EYS: variants seen among roughly 807,000 people sequenced by gnomAD.
The protein encoded by EYS is protein eyes shut homolog.
EYS carries 250 observed loss-of-function variants against 282.1 expected under a neutral mutation model. That is an observed-to-expected ratio of 0.89 (90% CI 0.80 to 0.98). The LOEUF is 0.98. EYS is among the 50% of genes least tolerant of loss of function. The probability of loss-of-function intolerance (pLI) is 0.00; values close to 1 mark genes in which losing one functional copy is unlikely to be tolerated. For missense variants in EYS, 4,016 were observed against 3,709.0 expected (o/e 1.08, Z -2.15); for synonymous variants, 1,355 against 1,282.9 (o/e 1.06, Z -1.20).
intron 1 of EYS, among the ~76,000 whole-genome samples, chr6:65,655,678 CAA>C (rs907116921): frequency 8.9e-4 from 135 of 151,612 alleles, no homozygotes; most frequent in African/African-American, 3.1e-3. Context: ...TGTTTTTTAA[CAA>C]ATTGAAGGGT....
chr6:65,441,158 A>C (rs913844986), intron 5 of EYS, among the ~76,000 whole-genome samples: 8 of 151,454 alleles, frequency 5.3e-5, no homozygotes, highest in African/African-American at 1.7e-4. Context: ...TTTTGCTACA[A>C]ACCATTTTTA....
chr6:64,303,265 A>G (rs1258102842), intron 30 of EYS, among the ~76,000 whole-genome samples: 4 of 152,238 alleles, frequency 2.6e-5, no homozygotes, highest in African/African-American at 9.6e-5. Context: ...ACATGGAACT[A>G]AAGTGCCAAG....
intron 41 of EYS, among the ~76,000 whole-genome samples, chr6:63,761,675 G>A (rs1302028442): frequency 2.0e-5 from 3 of 152,012 alleles, no homozygotes; most frequent in Non-Finnish European, 4.4e-5. Flanking sequence ...TTCTAAAATA[G>A]GGAAGAGAGA....
intron 39 of EYS, among the ~76,000 whole-genome samples, chr6:63,784,773 C>G (rs2149668407): frequency 6.6e-6 from 1 of 152,248 alleles, no homozygotes; most frequent in South Asian, 2.1e-4. Flanking sequence ...GAACACAAAT[C>G]CAAACCATAT....
chr6:64,209,377 T>G (rs1336571570), intron 31 of EYS, among the ~76,000 whole-genome samples: 1 of 152,162 alleles, frequency 6.6e-6, no homozygotes, highest in Non-Finnish European at 1.5e-5. Context: ...TATTAATTCC[T>G]CCTCTCATGG....
intron 26 of EYS, among the ~76,000 whole-genome samples, chr6:64,452,256 C>G (rs989163655): frequency 8.6e-5 from 13 of 151,994 alleles, no homozygotes; most frequent in Non-Finnish European, 1.6e-4. Context: ...CTCCCATTCA[C>G]AATTGCTTCA....
intron 12 of EYS, among the ~76,000 whole-genome samples, chr6:65,148,717 AG>A (rs1307848317): frequency 5.9e-5 from 9 of 152,138 alleles, no homozygotes; most frequent in African/African-American, 2.2e-4. Context: ...GTTCTAGCAG[AG>A]GTTCTCCATG....
At chr6:65,259,250 G>A (rs1176521277) in intron 12 of EYS, among the ~76,000 whole-genome samples, 1 of 151,966 alleles carries the variant, frequency 6.6e-6, no homozygotes, top group Non-Finnish European at 1.5e-5. Context: ...CTCCACCCAT[G>A]TCCTCTTCTT....
chr6:65,140,614 GA>G (rs1392925581), intron 12 of EYS, among the ~76,000 whole-genome samples: 2 of 150,932 alleles, frequency 1.3e-5, no homozygotes, highest in East Asian at 3.9e-4. Flanking sequence ...CTAATATCCA[GA>G]ATCTACAATG....
intron 1 of EYS, among the ~76,000 whole-genome samples, chr6:65,649,372 AACAC>A (rs150768155): frequency 6.6e-6 from 1 of 150,986 alleles, no homozygotes; most frequent in Non-Finnish European, 1.5e-5. Flanking sequence ...CCAATCTTAA[AACAC>A]ACACACACAC....
intron 26 of EYS, among the ~76,000 whole-genome samples, chr6:64,500,238 C>T (rs1776995987): frequency 6.6e-6 from 1 of 151,756 alleles, no homozygotes; most frequent in Admixed American, 6.6e-5. Context: ...CTCAAAATAC[C>T]ACAAGGTAAA....
At chr6:64,392,648 A>T (rs1010777455) in intron 28 of EYS, among the ~76,000 whole-genome samples, 7 of 151,138 alleles carry the variant, frequency 4.6e-5, no homozygotes, top group Non-Finnish European at 8.8e-5. Context: ...GGAAATTTAT[A>T]GCACTAAATG....
intron 36 of EYS, among the ~76,000 whole-genome samples, chr6:63,831,489 G>A (rs1204905796): frequency 6.6e-6 from 1 of 152,170 alleles, no homozygotes; most frequent in Non-Finnish European, 1.5e-5. Flanking sequence ...CATAAGTAAA[G>A]GGATCAATTC....
In EYS at chr6:64,593,103, C is replaced by T. The variant is rs1766462053; in HGVS notation, c.3877+14G>A. On this transcript the variant is annotated intron_variant, in intron 25 of 42. Coordinates refer to ENST00000503581, the MANE Select transcript of EYS (RefSeq NM_001142800.2). ...AAACTCAAACTTCTTAATATCTTAC[C>T]CACTTCTACTTACCTTGATCAACTG... is the stretch of plus-strand genomic sequence containing the variant. The T allele has an allele frequency of 6.8e-7, 1 of 1,474,774 alleles. No individual in the cohort carries two copies. Among genetic ancestry groups the T allele is most frequent in the Middle Eastern group, 1.7e-4 (1 of 5,812 alleles). 91.4% of individuals were successfully genotyped at this position (1,474,774 alleles called of 1,614,324 possible). A position where few individuals can be genotyped will look rare whatever the true frequency, so the allele number is the denominator to read the frequency against.
chr6:65,656,111 C>T (rs2149822297), intron 1 of EYS, among the ~76,000 whole-genome samples: 2 of 151,908 alleles, frequency 1.3e-5, no homozygotes, highest in South Asian at 2.1e-4. Context: ...GATCACAAAC[C>T]TAATCAACAA....
chr6:64,921,639 A>G (rs6926315), intron 15 of EYS, among the ~76,000 whole-genome samples: 3,426 of 152,276 alleles, frequency 0.022, 128 homozygotes, highest in African/African-American at 0.079. Context: ...CTTCAAACTC[A>G]TGGAAAGAAA....
chr6:64,168,260 CAATAAATA>C (rs377467664), intron 31 of EYS, among the ~76,000 whole-genome samples: 2 of 151,386 alleles, frequency 1.3e-5, no homozygotes, highest in South Asian at 2.1e-4. Context: ...AACTCCATTT[CAATAAATA>C]AATAAATAAA....
At chr6:63,838,786 ATCT>A (rs1169340695) in intron 36 of EYS, among the ~76,000 whole-genome samples, 2 of 152,084 alleles carry the variant, frequency 1.3e-5, no homozygotes, top group African/African-American at 4.8e-5. Context: ...CCATGACCAC[ATCT>A]TCTCAGTCTC....
chr6:65,455,477 G>T (rs1329672823), intron 5 of EYS, among the ~76,000 whole-genome samples: 3 of 151,898 alleles, frequency 2.0e-5, no homozygotes, highest in African/African-American at 7.3e-5. Context: ...TAAAGAGTTG[G>T]ATGACTGAAA....
Sources: allele counts gnomAD v4.1 joint callset (sites outside exome capture counted in the v4.1 genomes callset), GRCh38; gene constraint gnomAD v4.1.1; transcripts MANE v1.5; gene names NCBI Gene and HGNC (gene_info 2026-07-23, HGNC 2026-07-21).